The following TRPC4 variants were observed in gnomAD, a reference collection of about 807,000 sequenced individuals.
TRPC4 encodes transient receptor potential cation channel subfamily C member 4.
TRPC4 carries 49 observed loss-of-function variants against 99.4 expected under a neutral mutation model. The ratio of observed to expected loss-of-function variants is 0.49; its 90% CI spans 0.39 to 0.63. TRPC4 has a LOEUF of 0.63. Among genes scored for constraint, TRPC4 ranks in the 20% least tolerant of loss-of-function variants. The pLI, the probability that TRPC4 is intolerant of heterozygous loss-of-function variation, is 0.00. For synonymous variants in TRPC4, 454 were observed against 425.9 expected (o/e 1.07, Z -0.81); for missense variants, 898 against 1,152.9 (o/e 0.78, Z 3.20).
At chr13:37,766,181 T>C (rs899011172) in intron 2 of TRPC4, among the ~76,000 whole-genome samples, 2 of 151,492 alleles carry the variant, frequency 1.3e-5, no homozygotes, top group Non-Finnish European at 3.0e-5. Flanking sequence ...AATTTTCAAA[T>C]GGCCTGAGAC....
intron 2 of TRPC4, among the ~76,000 whole-genome samples, chr13:37,766,152 T>G (rs1252662408): frequency 6.6e-6 from 1 of 151,492 alleles, no homozygotes; most frequent in African/African-American, 2.4e-5. Flanking sequence ...TTTAAACAAA[T>G]ACTATCAAGC....
intron 1 of TRPC4, among the ~76,000 whole-genome samples, chr13:37,798,146 T>C (rs775909890): frequency 6.6e-6 from 1 of 152,194 alleles, no homozygotes; most frequent in African/African-American, 2.4e-5. Context: ...CATTTAAGCT[T>C]TAACTAAATG....
rs1418131225 is a variant in TRPC4, at chr13:37,635,519, A to C, written c.*1384T>G. Among the ~76,000 whole-genome samples the C allele has an allele frequency of 6.6e-6, 1 of 152,134 alleles. No individual in the cohort carries two copies. The highest frequency in any genetic ancestry group is 1.5e-5 in the Non-Finnish European group (1 of 68,002). On this transcript the variant is annotated 3_prime_UTR_variant, in exon 11 of 11. Coordinates refer to ENST00000379705, the MANE Select transcript of TRPC4 (RefSeq NM_016179.4). Reference sequence around the variant, plus strand: ...GAAACTGAGTGCCATAACATTATTCAGTTTGGGGCCAATGATAAATCACAT... The same window carrying C: ...GAAACTGAGTGCCATAACATTATTCCGTTTGGGGCCAATGATAAATCACAT...
intron 1 of TRPC4, among the ~76,000 whole-genome samples, chr13:37,788,196 C>T (rs547835129): frequency 3.9e-5 from 6 of 152,044 alleles, no homozygotes; most frequent in Non-Finnish European, 8.8e-5. Flanking sequence ...TCATCCATTC[C>T]CATTTCTCTA....
At chr13:37,654,509 T>A (rs1952158253) in intron 7 of TRPC4, among the ~76,000 whole-genome samples, 1 of 152,184 alleles carries the variant, frequency 6.6e-6, no homozygotes. Context: ...AATTATGTAT[T>A]GAATGAATAA....
chr13:37,705,191 C>T (rs1224392062), intron 3 of TRPC4, among the ~76,000 whole-genome samples: 1 of 152,044 alleles, frequency 6.6e-6, no homozygotes, highest in Non-Finnish European at 1.5e-5. Flanking sequence ...GTGAAATAAG[C>T]CAGACATAGC....
intron 6 of TRPC4, among the ~76,000 whole-genome samples, chr13:37,656,338 C>T (rs952164529): frequency 6.6e-6 from 1 of 152,126 alleles, no homozygotes; most frequent in South Asian, 2.1e-4. Context: ...TTCTCATACA[C>T]GGCATGATGA....
At chr13:37,707,852 C>T (rs1954340562) in intron 3 of TRPC4, among the ~76,000 whole-genome samples, 1 of 152,120 alleles carries the variant, frequency 6.6e-6, no homozygotes. Flanking sequence ...ACTGATTCAT[C>T]TTACTCTTTC....
At chr13:37,692,605 T>G (rs1249887452) in intron 3 of TRPC4, among the ~76,000 whole-genome samples, 3 of 152,158 alleles carry the variant, frequency 2.0e-5, no homozygotes, top group Non-Finnish European at 2.9e-5. Flanking sequence ...AAAATAGAAC[T>G]GGGGAATACG....
chr13:37,783,284 C>A lies in TRPC4; in HGVS notation c.50G>T (p.Arg17Leu), dbSNP rs75129764. The A allele has an allele frequency of 1.2e-6, 2 of 1,612,064 alleles. No individual in the cohort carries two copies. The highest frequency in any genetic ancestry group is 1.7e-6 in the Non-Finnish European group (2 of 1,179,196). The change falls in exon 2 of 11, where the codon CGC becomes CTC. Residue 17 changes from arginine (R) to leucine (L), a missense_variant. Transcript: ENST00000379705. ...KRNVNAPYRD[R>L]IPLRIVRAES... ...TGCTCTTACTATCCTTAGAGGGATG[C>A]GGTCTCTATAGGGAGCATTAACATT...
chr13:37,866,850 G>GGGC (rs1959785015), intron 1 of TRPC4, among the ~76,000 whole-genome samples: 1 of 121,510 alleles, frequency 8.2e-6, no homozygotes, highest in Admixed American at 9.2e-5. Flanking sequence ...TTTTTGTGGG[G>GGGC]GGGGGCGGGT....
intron 1 of TRPC4, among the ~76,000 whole-genome samples, chr13:37,797,895 A>G (rs1216581519): frequency 6.6e-6 from 1 of 152,124 alleles, no homozygotes; most frequent in Admixed American, 6.6e-5. Context: ...CATCAACCCT[A>G]TGACATTGTG....
intron 1 of TRPC4, among the ~76,000 whole-genome samples, chr13:37,858,619 T>C (rs1959193845): frequency 6.6e-6 from 1 of 151,600 alleles, no homozygotes; most frequent in Admixed American, 6.6e-5. Context: ...ATCCTGTTAC[T>C]TACAACAACA....
intron 5 of TRPC4, among the ~76,000 whole-genome samples, chr13:37,671,109 G>C (rs973289038): frequency 1.3e-5 from 2 of 152,124 alleles, no homozygotes; most frequent in African/African-American, 4.8e-5. Context: ...CAGATCAAAA[G>C]CTGTTTCTTA....
At position 37,791,811 on chromosome 13, in the gene TRPC4, T is replaced by C. The variant is rs554700532; in HGVS notation, c.-27-8451A>G. ...GAGAAATGATAAAATGCTAGCTATG[T>C]GAAAAGGTGCAGAAAAAATCATGAT... On this transcript the variant is annotated intron_variant, in intron 1 of 10. Transcript: ENST00000379705. 3.3e-5 allele frequency among the ~76,000 whole-genome samples: 5 copies of C among 152,186 alleles called. No individual in the cohort carries two copies. In the South Asian group the frequency reaches 1.0e-3, roughly 32 times the overall value.
chr13:37,691,211 C>T (rs1463445823), intron 4 of TRPC4, among the ~76,000 whole-genome samples: 1 of 152,094 alleles, frequency 6.6e-6, no homozygotes, highest in Non-Finnish European at 1.5e-5. Context: ...ACGTCATTCT[C>T]CTGCCTCAGC....
At chr13:37,651,511 C>T in intron 7 of TRPC4, 52 bp from the exon 8 acceptor site, 1 of 1,526,076 alleles carries the variant, frequency 6.6e-7, no homozygotes, top group Non-Finnish European at 9.1e-7. Flanking sequence ...TAACAAGGTA[C>T]CATAAATCTC....
chr13:37,689,179 T>C (rs925294930), intron 4 of TRPC4, among the ~76,000 whole-genome samples: 3 of 152,318 alleles, frequency 2.0e-5, no homozygotes, highest in African/African-American at 7.2e-5. Context: ...AGGGGGACTT[T>C]AGATGTCATT....
At chr13:37,782,827 A>G in intron 2 of TRPC4, 129 bp downstream of exon 2, 1 of 920,560 alleles carries the variant, frequency 1.1e-6, no homozygotes, top group Non-Finnish European at 1.5e-6. Context: ...AATATAGTTC[A>G]GATTTTGAAG....
Sources: allele counts gnomAD v4.1 joint callset (sites outside exome capture counted in the v4.1 genomes callset), GRCh38; gene constraint gnomAD v4.1.1; transcripts MANE v1.5; gene names NCBI Gene and HGNC (gene_info 2026-07-23, HGNC 2026-07-21).